DTD1: variants seen among roughly 807,000 people sequenced by gnomAD.
DTD1 encodes D-aminoacyl-tRNA deacylase 1.
A neutral mutation model predicts 25.6 loss-of-function variants in DTD1; 13 were observed. The observed-to-expected ratio is 0.51, with a 90% CI of 0.33 to 0.81. The LOEUF is 0.81. DTD1 is among the 30% of genes least tolerant of loss of function. DTD1 has a pLI of 0.02. For synonymous variants in DTD1, 110 were observed against 103.6 expected, an observed-to-expected ratio of 1.06 and a Z score of -0.37; for missense variants, 193 against 266.4, an observed-to-expected ratio of 0.72 and a Z score of 1.92.
intron 3 of DTD1, among the ~76,000 whole-genome samples, chr20:18,620,312 T>G (rs886807959): frequency 2.6e-5 from 4 of 152,242 alleles, no homozygotes; most frequent in Admixed American, 2.0e-4. Flanking sequence ...TGGCTGCCTG[T>G]TTACATATCC....
chr20:18,731,526 T>A (rs953567936), intron 4 of DTD1, among the ~76,000 whole-genome samples: 1 of 152,234 alleles, frequency 6.6e-6, no homozygotes, highest in African/African-American at 2.4e-5. Context: ...TCAATCCTTG[T>A]CCTCTTATCC....
At chr20:18,618,415 CA>C (rs1401663705) in intron 3 of DTD1, among the ~76,000 whole-genome samples, 2 of 151,204 alleles carry the variant, frequency 1.3e-5, no homozygotes, top group Non-Finnish European at 2.9e-5. Flanking sequence ...GTAGTGGCAT[CA>C]TGATCATGGG....
chr20:18,621,686 A>C (rs1338641231), intron 3 of DTD1, among the ~76,000 whole-genome samples: 1 of 152,248 alleles, frequency 6.6e-6, no homozygotes, highest in Non-Finnish European at 1.5e-5. Flanking sequence ...TGTGTATGCT[A>C]AAATGGCTGG....
At chr20:18,674,239 A>G (rs936142977) in intron 4 of DTD1, among the ~76,000 whole-genome samples, 5 of 152,160 alleles carry the variant, frequency 3.3e-5, no homozygotes, top group African/African-American at 4.8e-5. Flanking sequence ...TTAACTGACA[A>G]CCCTGAGATT....
intron 4 of DTD1, among the ~76,000 whole-genome samples, chr20:18,663,148 A>G (rs1355653849): frequency 6.6e-6 from 1 of 152,156 alleles, no homozygotes; most frequent in Non-Finnish European, 1.5e-5. Context: ...TAGGGCTGGC[A>G]TCCAAGTTTC....
intron 4 of DTD1, among the ~76,000 whole-genome samples, chr20:18,717,504 C>A (rs2061185833): frequency 6.6e-6 from 1 of 152,130 alleles, no homozygotes; most frequent in African/African-American, 2.4e-5. Context: ...ATAGTTTATA[C>A]ATAGTAAATT....
In DTD1 at chr20:18,747,855, CA is replaced by C. The variant is rs11483388; in HGVS notation, c.*19+3598del. Among the ~76,000 whole-genome samples the C allele has an allele frequency of 7.3e-3, 1,037 of 142,384 alleles. 7 individuals are homozygous for C. Among genetic ancestry groups the C allele is most frequent in the African/African-American group, 0.021 (782 of 38,034 alleles). 93.4% of individuals were successfully genotyped at this position (142,384 alleles called of 152,430 possible). ...TGAAACTCCGTCTCTATAAAAAATA[CA>C]AAAAAAAAAAAAATTAGCTGGGCAT... On this transcript the variant is annotated intron_variant, in intron 5 of 5. Coordinates refer to ENST00000377452, the MANE Select transcript of DTD1 (RefSeq NM_080820.6).
intron 3 of DTD1, among the ~76,000 whole-genome samples, chr20:18,612,495 C>A (rs989501875): frequency 1.1e-4 from 16 of 152,180 alleles, no homozygotes; most frequent in Admixed American, 9.8e-4. Context: ...TACTGCCATT[C>A]TGTAGGTGAG....
At chr20:18,695,160 T>C (rs984049844) in intron 4 of DTD1, among the ~76,000 whole-genome samples, 42 of 151,992 alleles carry the variant, frequency 2.8e-4, no homozygotes, top group Non-Finnish European at 1.3e-4. Context: ...AAAATCCCTT[T>C]TCCCTTGTGC....
intron 3 of DTD1, among the ~76,000 whole-genome samples, chr20:18,602,464 C>T (rs1334547944): frequency 3.0e-4 from 3 of 10,014 alleles, no homozygotes; most frequent in African/African-American, 6.0e-4. Context: ...CTCCAAGACA[C>T]ATAATTGTCA....
chr20:18,695,567 CTCCATT>C (rs1568672016), intron 4 of DTD1, among the ~76,000 whole-genome samples: 1 of 8,054 alleles, frequency 1.2e-4, no homozygotes, highest in Non-Finnish European at 3.1e-4. Flanking sequence ...TTCTCTTCCC[CTCCATT>C]CCCCTCCCCT....
intron 3 of DTD1, among the ~76,000 whole-genome samples, chr20:18,598,014 A>G (rs970954787): frequency 1.3e-5 from 2 of 152,106 alleles, no homozygotes; most frequent in Non-Finnish European, 2.9e-5. Context: ...AATTATTAGT[A>G]TACTTTAAGT....
chr20:18,692,447 G>T (rs1270255034), intron 4 of DTD1, among the ~76,000 whole-genome samples: 1 of 152,186 alleles, frequency 6.6e-6, no homozygotes, highest in Non-Finnish European at 1.5e-5. Flanking sequence ...GGCAGGCTAG[G>T]GGGAGAAGAG....
chr20:18,656,051 GT>G, intron 4 of DTD1, among the ~76,000 whole-genome samples: 1 of 152,156 alleles, frequency 6.6e-6, no homozygotes, highest in East Asian at 1.9e-4. Flanking sequence ...GATTACAGGT[GT>G]GAGCCACCAC....
At chr20:18,700,173 A>G (rs1436777775) in intron 4 of DTD1, among the ~76,000 whole-genome samples, 2 of 152,198 alleles carry the variant, frequency 1.3e-5, no homozygotes, top group Non-Finnish European at 2.9e-5. Flanking sequence ...ATGTCAGGGC[A>G]CATGGTATTG....
chr20:18,665,428 G>A (rs1211264704), intron 4 of DTD1, among the ~76,000 whole-genome samples: 2 of 152,240 alleles, frequency 1.3e-5, no homozygotes, highest in East Asian at 3.8e-4. Context: ...CCCTTGAGGA[G>A]TGCCAGCCGT....
chr20:18,628,326 C>A (rs893954348), intron 4 of DTD1, 93 bp downstream of exon 4: 2 of 940,414 alleles, frequency 2.1e-6, no homozygotes, highest in South Asian at 1.5e-5. Flanking sequence ...GGAAATACAT[C>A]ATTGTTGCAA....
intron 4 of DTD1, among the ~76,000 whole-genome samples, chr20:18,669,885 G>T (rs1278833880): frequency 6.6e-6 from 1 of 152,118 alleles, no homozygotes; most frequent in Admixed American, 6.5e-5. Flanking sequence ...CAGTTCCATT[G>T]GGGGTAAAGA....
chr20:18,710,747 C>A (rs1305185928), intron 4 of DTD1, among the ~76,000 whole-genome samples: 2 of 152,168 alleles, frequency 1.3e-5, no homozygotes. Flanking sequence ...CTGACAGTGG[C>A]CTGTGTTACC....
Sources: allele counts gnomAD v4.1 joint callset (sites outside exome capture counted in the v4.1 genomes callset), GRCh38; gene constraint gnomAD v4.1.1; transcripts MANE v1.5; gene names NCBI Gene and HGNC (gene_info 2026-07-23, HGNC 2026-07-21).